The following PEX5L variants were observed in gnomAD, a reference collection of about 807,000 sequenced individuals.
PEX5L encodes PEX5-related protein.
PEX5L carries 30 observed loss-of-function variants against 84.0 expected under a neutral mutation model. The observed-to-expected ratio is 0.36, with a 90% CI of 0.27 to 0.48. PEX5L has a LOEUF of 0.48. Ranked by LOEUF, PEX5L falls within the 20% of genes least tolerant of loss-of-function variation. The probability of loss-of-function intolerance (pLI) is 0.99; values close to 1 mark genes in which losing one functional copy is unlikely to be tolerated. For synonymous variants in PEX5L, 270 were observed against 283.1 expected, an observed-to-expected ratio of 0.95 and a Z score of 0.46; for missense variants, 533 against 754.6, an observed-to-expected ratio of 0.71 and a Z score of 3.44.
At chr3:179,927,714 C>T (rs1424108062) in intron 2 of PEX5L, among the ~76,000 whole-genome samples, 1 of 151,916 alleles carries the variant, frequency 6.6e-6, no homozygotes, top group African/African-American at 2.4e-5. Context: ...ATTAAAAAAA[C>T]AAAACCAAAC....
intron 1 of PEX5L, among the ~76,000 whole-genome samples, chr3:180,014,214 AAT>A (rs1251954381): frequency 6.6e-6 from 1 of 152,236 alleles, no homozygotes; most frequent in Admixed American, 6.5e-5. Context: ...GACAATGTCT[AAT>A]GCACATCACC....
intron 2 of PEX5L, among the ~76,000 whole-genome samples, chr3:179,925,293 C>T (rs1478578683): frequency 1.3e-5 from 2 of 152,100 alleles, no homozygotes; most frequent in African/African-American, 4.8e-5. Context: ...TTCCTCACGC[C>T]CCTACTCCCC....
At chr3:179,958,988 C>T (rs1440105297) in intron 2 of PEX5L, among the ~76,000 whole-genome samples, 2 of 151,646 alleles carry the variant, frequency 1.3e-5, no homozygotes, top group East Asian at 1.9e-4. Flanking sequence ...GATCGCGCTG[C>T]TGCATTCCAG....
Position 179,912,876 on chromosome 3 carries a change from T to C in PEX5L, c.94-14630A>G, listed in dbSNP as rs78632037. On this transcript the variant is annotated intron_variant, in intron 2 of 14. Coordinates refer to ENST00000467460, the MANE Select transcript of PEX5L (RefSeq NM_016559.3). ...TCCAAGTTATGGTCCACAGTCAATA[T>C]ATATTCAGCCCCAACTCTGACAACT... Among the ~76,000 whole-genome samples, 42 of 152,262 alleles carry C rather than the reference T, an allele frequency of 2.8e-4. 1 individual carries two copies. The highest frequency in any genetic ancestry group is 9.9e-4 in the African/African-American group (41 of 41,586).
Position 179,848,422 on chromosome 3 carries a change from A to G in PEX5L, c.822+10640T>C, listed in dbSNP as rs531587517. Among the ~76,000 whole-genome samples, 5 of 151,864 alleles carry G rather than the reference A, an allele frequency of 3.3e-5. No homozygotes were observed. In the East Asian group the frequency reaches 9.7e-4, roughly 30 times the overall value. ...AAAAATTAGCCAGGCATGGTGGTAC[A>G]TGTCTATAGTCCCAGCTACTCAGGA... On this transcript the variant is annotated intron_variant, in intron 8 of 14. Transcript: ENST00000467460.
chr3:179,982,991 G>A (rs1443801131), intron 1 of PEX5L, among the ~76,000 whole-genome samples: 2 of 151,840 alleles, frequency 1.3e-5, no homozygotes, highest in Non-Finnish European at 2.9e-5. Flanking sequence ...TATTTAGTAA[G>A]TTTTTTTGAA....
chr3:179,850,801 T>C (rs529065885), intron 8 of PEX5L, among the ~76,000 whole-genome samples: 1 of 152,332 alleles, frequency 6.6e-6, no homozygotes, highest in South Asian at 2.1e-4. Flanking sequence ...TTAAGGAATG[T>C]TTAATGCATC....
chr3:179,880,600 A>G (rs1005220560), intron 4 of PEX5L, among the ~76,000 whole-genome samples: 6 of 152,216 alleles, frequency 3.9e-5, no homozygotes, highest in Non-Finnish European at 8.8e-5. Flanking sequence ...TTAATTAAGC[A>G]GTTCAATCAG....
intron 2 of PEX5L, among the ~76,000 whole-genome samples, chr3:179,916,128 T>A (rs796652969): frequency 9.8e-5 from 15 of 152,308 alleles, no homozygotes; most frequent in African/African-American, 3.4e-4. Context: ...ATATACTTCA[T>A]ACATATATAT....
At chr3:179,886,854 G>A (rs1233216911) in intron 4 of PEX5L, among the ~76,000 whole-genome samples, 1 of 152,208 alleles carries the variant, frequency 6.6e-6, no homozygotes, top group Non-Finnish European at 1.5e-5. Context: ...TAACAAGACA[G>A]TATGTGATTA....
chr3:179,896,968 T>C (rs193189640), intron 3 of PEX5L, among the ~76,000 whole-genome samples: 70 of 152,228 alleles, frequency 4.6e-4, no homozygotes, highest in South Asian at 2.3e-3. Flanking sequence ...TCTCTTCTTT[T>C]GGGATAAAAA....
intron 2 of PEX5L, among the ~76,000 whole-genome samples, chr3:179,950,882 CGT>C (rs1778909624): frequency 6.6e-6 from 1 of 152,098 alleles, no homozygotes; most frequent in Admixed American, 6.6e-5. Context: ...GAAACGGAGA[CGT>C]AAGAGGAGGC....
intron 2 of PEX5L, among the ~76,000 whole-genome samples, chr3:179,942,458 G>T (rs1014223949): frequency 6.6e-6 from 1 of 152,228 alleles, no homozygotes; most frequent in African/African-American, 2.4e-5. Context: ...CTGTGACCGC[G>T]CCCGCTGCGC....
intron 8 of PEX5L, among the ~76,000 whole-genome samples, chr3:179,846,903 G>A (rs1183782674): frequency 6.6e-6 from 1 of 152,048 alleles, no homozygotes; most frequent in Non-Finnish European, 1.5e-5. Context: ...ACTCACCAGA[G>A]TCTCCAGTAT....
chr3:179,859,277 A>T, intron 7 of PEX5L, 120 bp from the exon 8 acceptor site: 1 of 737,342 alleles, frequency 1.4e-6, no homozygotes. Context: ...TCTGTGACTG[A>T]TGACATTTTT....
At chr3:179,898,825 A>G (rs1333959127) in intron 2 of PEX5L, among the ~76,000 whole-genome samples, 1 of 152,146 alleles carries the variant, frequency 6.6e-6, no homozygotes, top group Non-Finnish European at 1.5e-5. Context: ...TATAAACTTC[A>G]TGAAAAAAAC....
At chr3:180,030,271 G>A (rs1365972230) in intron 1 of PEX5L, among the ~76,000 whole-genome samples, 2 of 152,192 alleles carry the variant, frequency 1.3e-5, no homozygotes, top group African/African-American at 4.8e-5. Flanking sequence ...AGGGGCCTAT[G>A]TGTGCACAGT....
chr3:179,906,238 T>A (rs1409129991), intron 2 of PEX5L, among the ~76,000 whole-genome samples: 2 of 152,224 alleles, frequency 1.3e-5, no homozygotes, highest in Non-Finnish European at 2.9e-5. Context: ...GTCCCAGGAC[T>A]TATTTACCCT....
intron 2 of PEX5L, 145 bp downstream of exon 2, chr3:179,971,449 G>T (rs1424996931): frequency 8.4e-7 from 1 of 1,188,050 alleles, no homozygotes. Flanking sequence ...CATATGGAGC[G>T]GCTTAGCTGC....
Sources: allele counts gnomAD v4.1 joint callset (sites outside exome capture counted in the v4.1 genomes callset), GRCh38; gene constraint gnomAD v4.1.1; transcripts MANE v1.5; gene names NCBI Gene and HGNC (gene_info 2026-07-23, HGNC 2026-07-21).